SSH2: variants seen among roughly 807,000 people sequenced by gnomAD.
SSH2 encodes the protein protein phosphatase Slingshot homolog 2.
A neutral mutation model predicts 135.2 loss-of-function variants in SSH2; 37 were observed. That is an observed-to-expected ratio of 0.27 (90% CI 0.21 to 0.36). The LOEUF is 0.36. Ranked by LOEUF, SSH2 falls within the 10% of genes least tolerant of loss-of-function variation. The pLI is 1.00. For missense variants in SSH2, 1,408 were observed against 1,765.3 expected (o/e 0.80, Z 3.63); for synonymous variants, 628 against 646.2 (o/e 0.97, Z 0.43).
chr17:29,719,290 G>T (rs981975749), intron 3 of SSH2, among the ~76,000 whole-genome samples: 5 of 152,266 alleles, frequency 3.3e-5, no homozygotes, highest in African/African-American at 1.2e-4. Context: ...GTTCTCTTTG[G>T]GAGTTGTGTG....
chr17:29,631,068 C>G lies in SSH2; in HGVS notation c.4126G>C (p.Glu1376Gln). ...AAATACTGCTGACTAGAACCAAATT[C>G]TTTGGCATACTGCACAAGGGGCCTC... ...VERPLVQYAK[E>Q]FGSSQQYLLP... The change falls in exon 16 of 16, where the codon GAA becomes CAA. Residue 1376 changes from glutamate to glutamine, a missense_variant. Physicochemically the swap from Glu to Gln is conservative, Grantham distance 29. This residue lies in a region of SSH2 where 1,080 missense variants were observed against 1,144.5 expected (regional missense o/e 0.94). Coordinates refer to ENST00000540801, the MANE Select transcript of SSH2 (RefSeq NM_001282129.2). The G allele has an allele frequency of 6.2e-7, 1 of 1,614,244 alleles. No homozygotes were observed. Among genetic ancestry groups the G allele is most frequent in the Non-Finnish European group, 8.5e-7 (1 of 1,180,048 alleles).
At chr17:29,907,920 A>G (rs1462547478) in intron 1 of SSH2, among the ~76,000 whole-genome samples, 1 of 151,010 alleles carries the variant, frequency 6.6e-6, no homozygotes, top group Non-Finnish European at 1.5e-5. Context: ...TCCTGGGCTC[A>G]AGCAATTCTC....
At chr17:29,740,358 G>A (rs1293000014) in intron 3 of SSH2, among the ~76,000 whole-genome samples, 1 of 152,106 alleles carries the variant, frequency 6.6e-6, no homozygotes, top group Non-Finnish European at 1.5e-5. Flanking sequence ...CAGTCTCAAA[G>A]AGAGGCAGGC....
At chr17:29,784,813 C>T (rs2041925554) in intron 3 of SSH2, among the ~76,000 whole-genome samples, 1 of 152,038 alleles carries the variant, frequency 6.6e-6, no homozygotes, top group African/African-American at 2.4e-5. Context: ...TCCATTCTCC[C>T]CACTCTCCTA....
chr17:29,711,438 A>G (rs765087784), intron 3 of SSH2, among the ~76,000 whole-genome samples: 1 of 152,186 alleles, frequency 6.6e-6, no homozygotes, highest in Non-Finnish European at 1.5e-5. Flanking sequence ...CGATCTTCTA[A>G]TTCCATTTTT....
chr17:29,927,990 C>G (rs1007867032), intron 1 of SSH2, among the ~76,000 whole-genome samples: 3 of 152,138 alleles, frequency 2.0e-5, no homozygotes, highest in Non-Finnish European at 4.4e-5. Flanking sequence ...ATCAAGTGTA[C>G]ACGGTCTTAC....
At chr17:29,735,151 T>G (rs1208326143) in intron 3 of SSH2, among the ~76,000 whole-genome samples, 2 of 152,182 alleles carry the variant, frequency 1.3e-5, no homozygotes, top group Admixed American at 6.5e-5. Context: ...ATTATTTCAG[T>G]GTATTCATGA....
intron 2 of SSH2, among the ~76,000 whole-genome samples, chr17:29,835,328 A>C (rs75472871): frequency 1.3e-5 from 2 of 152,122 alleles, no homozygotes; most frequent in African/African-American, 4.8e-5. Context: ...AAACAACAAC[A>C]AAAAAAACTT....
chr17:29,670,521 G>T (rs1028153568), intron 9 of SSH2, among the ~76,000 whole-genome samples: 1 of 152,170 alleles, frequency 6.6e-6, no homozygotes, highest in African/African-American at 2.4e-5. Context: ...TTTAGGGCAG[G>T]TGTGGTGGCT....
At chr17:29,763,653 A>T (rs1339572671) in intron 3 of SSH2, among the ~76,000 whole-genome samples, 1 of 152,198 alleles carries the variant, frequency 6.6e-6, no homozygotes, top group Non-Finnish European at 1.5e-5. Flanking sequence ...CTGTCTGAAA[A>T]AGCAGGAAAT....
chr17:29,648,016 G>C, intron 14 of SSH2, 128 bp downstream of exon 14: 1 of 910,520 alleles, frequency 1.1e-6, no homozygotes. Flanking sequence ...TGGATTGATA[G>C]AGAAATAAGT....
Position 29,636,222 on chromosome 17 carries a change from A to C in SSH2, c.2008T>G (p.Ser670Ala). The change falls in exon 15 of 16, where the codon TCA becomes GCA. Residue 670 changes from serine (S) to alanine (A), a missense_variant. This residue lies in a region of SSH2 where 1,080 missense variants were observed against 1,144.5 expected (regional missense o/e 0.94). Transcript: ENST00000540801. Reference protein sequence around the residue: ...SPQPSCQTEISDFSTDRIDFF... With the variant: ...SPQPSCQTEIADFSTDRIDFF... ...TCAATGCGATCTGTACTGAAATCTGAGATTTCAGTCTGGCAACTGGGTTGG... is the reference window on the plus strand; with the variant it reads ...TCAATGCGATCTGTACTGAAATCTGCGATTTCAGTCTGGCAACTGGGTTGG... The C allele has an allele frequency of 6.2e-7, 1 of 1,613,892 alleles. No individual in the cohort carries two copies. The highest frequency in any genetic ancestry group is 8.5e-7 in the Non-Finnish European group (1 of 1,180,006).
intron 4 of SSH2, among the ~76,000 whole-genome samples, chr17:29,699,002 C>A (rs771279939): frequency 6.6e-6 from 1 of 152,154 alleles, no homozygotes; most frequent in Non-Finnish European, 1.5e-5. Context: ...CCTTCTTATG[C>A]GAGTTGGAAG....
chr17:29,668,052 T>TG (rs2037349251), intron 9 of SSH2, among the ~76,000 whole-genome samples: 1 of 152,116 alleles, frequency 6.6e-6, no homozygotes, highest in Non-Finnish European at 1.5e-5. Context: ...TGACAGAGAG[T>TG]ACTTTGTTTC....
intron 2 of SSH2, among the ~76,000 whole-genome samples, chr17:29,839,902 G>A (rs1251549980): frequency 6.6e-6 from 1 of 152,180 alleles, no homozygotes; most frequent in Non-Finnish European, 1.5e-5. Context: ...CCTTAAGCAA[G>A]CCTGGTTCCT....
intron 6 of SSH2, among the ~76,000 whole-genome samples, chr17:29,678,992 A>G (rs766716122): frequency 9.2e-5 from 14 of 152,126 alleles, no homozygotes; most frequent in Non-Finnish European, 1.8e-4. Context: ...TTGGGATTAC[A>G]GGCATGAGCC....
At chr17:29,753,207 G>A (rs2041004500) in intron 3 of SSH2, among the ~76,000 whole-genome samples, 1 of 151,812 alleles carries the variant, frequency 6.6e-6, no homozygotes, top group African/African-American at 2.4e-5. Flanking sequence ...CTTGGCTCAC[G>A]GCAACCTCTG....
chr17:29,814,697 A>G (rs1204803776), intron 2 of SSH2, among the ~76,000 whole-genome samples: 1 of 151,986 alleles, frequency 6.6e-6, no homozygotes, highest in African/African-American at 2.4e-5. Context: ...ACTGCCACGT[A>G]ATAGAACTTT....
intron 3 of SSH2, among the ~76,000 whole-genome samples, chr17:29,746,669 G>A (rs1438837979): frequency 6.6e-6 from 1 of 152,024 alleles, no homozygotes; most frequent in Non-Finnish European, 1.5e-5. Flanking sequence ...AACTTAAAAG[G>A]GACGTGGGTC....
Sources: allele counts gnomAD v4.1 joint callset (sites outside exome capture counted in the v4.1 genomes callset), GRCh38; gene constraint gnomAD v4.1.1; regional missense constraint gnomAD v4.1.1; transcripts MANE v1.5; gene names NCBI Gene and HGNC (gene_info 2026-07-23, HGNC 2026-07-21).